Variants in FAP observed in about 807,000 individuals in gnomAD.
FAP encodes the protein fibroblast activation protein alpha, also known as prolyl endopeptidase FAP.
FAP carries 110 observed loss-of-function variants against 126.5 expected under a neutral mutation model. That is an observed-to-expected ratio of 0.87 (90% CI 0.74 to 1.02). The LOEUF is 1.02. Ranked by LOEUF, FAP falls within the 50% of genes least tolerant of loss-of-function variation. FAP has a pLI of 0.00. For missense variants in FAP, 919 were observed against 909.2 expected (o/e 1.01, Z -0.14); for synonymous variants, 334 against 297.3 (o/e 1.12, Z -1.27).
rs544776219 is a variant in FAP, at chr2:162,199,526, G to T, written c.1278-645C>A. Among the ~76,000 whole-genome samples, 16 of 152,224 alleles carry T rather than the reference G, an allele frequency of 1.1e-4. 1 individual carries two copies. In the East Asian group the frequency reaches 3.1e-3, roughly 29 times the overall value. ...AGTCATCTGTGTGGTTCCTGAGCAG[G>T]GTGATTGGCTTCAATACACAGACTC... On this transcript the variant is annotated intron_variant, in intron 15 of 25. Transcript: ENST00000188790.
intron 2 of FAP, among the ~76,000 whole-genome samples, chr2:162,238,855 C>T (rs116387833): frequency 0.016 from 2,393 of 152,250 alleles, 58 homozygotes; most frequent in African/African-American, 0.054. Flanking sequence ...ACAACAACAA[C>T]GGATTTCTGA....
rs561285570 is a variant in FAP, at chr2:162,201,504, T to C, written c.1224-885A>G. On this transcript the variant is annotated intron_variant, in intron 14 of 25. Transcript: ENST00000188790. ...CCTCCCCACATCATCTAAAACTATC[T>C]GTGAATAAAGGACTCAGGATCTTTC... Among the ~76,000 whole-genome samples the C allele has an allele frequency of 3.3e-5, 5 of 152,278 alleles. No homozygotes were observed. The East Asian group carries it at 9.7e-4, about 29-fold the overall frequency.
At chr2:162,189,847 T>C in intron 17 of FAP, 93 bp from the exon 18 acceptor site, 1 of 666,404 alleles carries the variant, frequency 1.5e-6, no homozygotes, top group East Asian at 2.8e-5. Flanking sequence ...TGGGTGAAAC[T>C]GAAACTGTGA....
chr2:162,211,283 A>T (rs528180987), intron 11 of FAP, among the ~76,000 whole-genome samples: 42 of 152,316 alleles, frequency 2.8e-4, no homozygotes, highest in African/African-American at 1.0e-3. Flanking sequence ...GAATGACTAT[A>T]TGAAGCAGAG....
chr2:162,181,434 A>G (rs1189946980), intron 21 of FAP, among the ~76,000 whole-genome samples: 2 of 152,146 alleles, frequency 1.3e-5, no homozygotes, highest in Non-Finnish European at 2.9e-5. Flanking sequence ...TACTTTCCTC[A>G]AGATACTTTA....
At chr2:162,202,766 A>G in intron 14 of FAP, 106 bp downstream of exon 14, 2 of 765,280 alleles carry the variant, frequency 2.6e-6, no homozygotes, top group Admixed American at 4.7e-5. Flanking sequence ...TCTGAATTAT[A>G]GAGTAACAAA....
intron 2 of FAP, among the ~76,000 whole-genome samples, chr2:162,241,183 T>C (rs1199961144): frequency 6.6e-6 from 1 of 152,202 alleles, no homozygotes; most frequent in Non-Finnish European, 1.5e-5. Context: ...TTTCACTGAG[T>C]ACTTGAGTTT....
intron 25 of FAP, 54 bp downstream of exon 25, chr2:162,172,757 C>T: frequency 2.5e-6 from 3 of 1,188,466 alleles, no homozygotes; most frequent in Admixed American, 3.4e-5. Context: ...ATGAACCCCT[C>T]CTTTTAGCTT....
At chr2:162,221,807 C>G (rs981234124) in intron 6 of FAP, 2 of 449,516 alleles carry the variant, frequency 4.4e-6, no homozygotes, top group African/African-American at 4.0e-5. Context: ...AGCTTGAAAC[C>G]AGTAGTTTTG....
Position 162,226,627 on chromosome 2 carries a change from G to T in FAP, c.92-6C>A, listed in dbSNP as rs193002336. The T allele has an allele frequency of 4.5e-4, 665 of 1,486,992 alleles. 2 individuals are homozygous for T. In the African/African-American group the frequency reaches 8.6e-3, roughly 19 times the overall value. 92.1% of individuals were successfully genotyped at this position (1,486,992 alleles called of 1,614,324 possible). On this transcript the variant is annotated splice_region_variant and splice_polypyrimidine_tract_variant and intron_variant, in intron 2 of 25. Transcript: ENST00000188790. ...ATTTTCTTCAGAGTTATGAACTTTG[G>T]GGGAAGAGCAAATACATCCTTATTA...
intron 21 of FAP, among the ~76,000 whole-genome samples, chr2:162,178,196 C>A (rs1222702412): frequency 1.3e-5 from 2 of 152,178 alleles, no homozygotes; most frequent in Non-Finnish European, 2.9e-5. Flanking sequence ...AAGATTAAAT[C>A]ATGAACTAAT....
chr2:162,227,970 C>T (rs11891916), intron 2 of FAP, among the ~76,000 whole-genome samples: 20,632 of 152,072 alleles, frequency 0.14, 3,231 homozygotes, highest in African/African-American at 0.36. Context: ...TTACAACACT[C>T]CTCTTGGTTT....
chr2:162,176,035 T>C (rs1687473069), intron 21 of FAP: 1 of 152,168 alleles, frequency 6.6e-6, no homozygotes, highest in Non-Finnish European at 1.5e-5. Context: ...GCTAAAGCCA[T>C]ACCATGTTTT....
intron 5 of FAP, among the ~76,000 whole-genome samples, chr2:162,224,127 C>T (rs1689530039): frequency 1.3e-5 from 2 of 151,882 alleles, no homozygotes; most frequent in Admixed American, 6.6e-5. Flanking sequence ...AAATGCTTGC[C>T]TTTCTTTGAG....
intron 16 of FAP, among the ~76,000 whole-genome samples, chr2:162,195,743 T>C (rs532507101): frequency 6.6e-6 from 1 of 152,278 alleles, no homozygotes; most frequent in South Asian, 2.1e-4. Flanking sequence ...TTATTCCTTA[T>C]TTGAAATACA....
intron 2 of FAP, among the ~76,000 whole-genome samples, chr2:162,240,576 GC>G (rs1690306935): frequency 6.6e-6 from 1 of 152,230 alleles, no homozygotes; most frequent in African/African-American, 2.4e-5. Context: ...ATGATGATGA[GC>G]AGGGAGTTAG....
At chr2:162,173,657 A>G in intron 23 of FAP, 66 bp downstream of exon 23, 1 of 1,083,676 alleles carries the variant, frequency 9.2e-7, no homozygotes. Flanking sequence ...ATTCTGAACT[A>G]CTGCTTTTAA....
chr2:162,213,800 G>T, intron 11 of FAP, 138 bp downstream of exon 11: 3 of 674,048 alleles, frequency 4.5e-6, no homozygotes, highest in Non-Finnish European at 4.8e-6. Context: ...CATGAATACT[G>T]AGTGTGTTTT....
At chr2:162,225,432 A>T (rs369069105) in intron 4 of FAP, 51 bp downstream of exon 4, 2 of 1,569,258 alleles carry the variant, frequency 1.3e-6, no homozygotes, top group Non-Finnish European at 1.7e-6. Context: ...TTCTTGGTCA[A>T]TGAAGAGTGG....
Sources: gnomAD v4.1 joint callset for allele counts (sites outside exome capture counted in the v4.1 genomes callset) on GRCh38, gnomAD v4.1.1 for gene constraint, MANE v1.5 for transcripts, NCBI Gene and HGNC (gene_info 2026-07-23, HGNC 2026-07-21) for gene names.